Variants in GABRA1 observed in about 807,000 individuals in gnomAD.
The protein encoded by GABRA1 is gamma-aminobutyric acid receptor subunit alpha-1.
GABRA1 carries 9 observed loss-of-function variants against 48.9 expected under a neutral mutation model. That is an observed-to-expected ratio of 0.18 (90% CI 0.11 to 0.32). The LOEUF (loss-of-function observed/expected upper bound fraction) is 0.32, where lower values mean the gene tolerates loss of function less well. Ranked by LOEUF, GABRA1 falls within the 10% of genes least tolerant of loss-of-function variation. GABRA1 has a pLI of 1.00. For synonymous variants in GABRA1, 210 were observed against 198.7 expected (o/e 1.06, Z -0.48); for missense variants, 285 against 553.8 (o/e 0.51, Z 4.87).
chr5:161,882,377 T>TA (rs11317877), intron 6 of GABRA1, 181 bp from the exon 7 acceptor site: 46 of 458,028 alleles, frequency 1.0e-4, no homozygotes, highest in African/African-American at 1.4e-4. Context: ...AATAAATGAC[T>TA]AAAAAAAAAA....
rs542983313 is a variant in GABRA1 at position 161,895,647 on chromosome 5, T to C, written c.857-19T>C. The C allele has an allele frequency of 2.2e-5, 28 of 1,281,890 alleles. No individual in the cohort carries two copies. The highest frequency in any genetic ancestry group is 3.1e-5 in the Non-Finnish European group (28 of 917,996). 79.4% of individuals were successfully genotyped at this position (1,281,890 alleles called of 1,614,324 possible). On this transcript the variant is annotated intron_variant, in intron 8 of 9. Coordinates refer to ENST00000393943, the MANE Select transcript of GABRA1 (RefSeq NM_001127644.2). The stretch of plus-strand genomic sequence containing the variant: ...ACAGTATGAACTGGCATCATGTATG[T>C]TTTTTTTTTTCTTTACAGGAGTAAC...
intron 1 of GABRA1, 84 bp from the exon 2 acceptor site, chr5:161,850,712 T>A: frequency 8.9e-7 from 1 of 1,123,112 alleles, no homozygotes; most frequent in Non-Finnish European, 1.4e-6. Context: ...AAAGCATTCA[T>A]CTAAACTGCC....
chr5:161,873,781 T>C (rs1030750970), intron 5 of GABRA1, among the ~76,000 whole-genome samples: 4 of 152,178 alleles, frequency 2.6e-5, no homozygotes, highest in Non-Finnish European at 5.9e-5. Context: ...TTTTAAGAAG[T>C]ATTTGAATTC....
chr5:161,856,071 T>C (rs74544366), intron 3 of GABRA1, among the ~76,000 whole-genome samples: 1,588 of 151,460 alleles, frequency 0.01, 30 homozygotes, highest in African/African-American at 0.036. Flanking sequence ...ATAGAATAAC[T>C]CTTTAATAAA....
chr5:161,876,007 T>C (rs1754335013), intron 6 of GABRA1, among the ~76,000 whole-genome samples: 1 of 152,156 alleles, frequency 6.6e-6, no homozygotes, highest in Non-Finnish European at 1.5e-5. Context: ...CTGACACTTG[T>C]TTGATCTTAA....
intron 8 of GABRA1, among the ~76,000 whole-genome samples, chr5:161,894,057 G>T (rs1189727030): frequency 6.6e-6 from 1 of 152,034 alleles, no homozygotes; most frequent in African/African-American, 2.4e-5. Context: ...TAAAAAAATT[G>T]AATTTATTGT....
Position 161,899,877 on chromosome 5 carries a change from G to C in GABRA1, c.*2455G>C, listed in dbSNP as rs1003646439. On this transcript the variant is annotated 3_prime_UTR_variant, in exon 10 of 10. Coordinates refer to ENST00000393943, the MANE Select transcript of GABRA1 (RefSeq NM_001127644.2). ...TGGCAGATGCATGTGTTGCTTTACA[G>C]AGTTTAGCAAAAGCTCTTAATTTTA... 2.1e-4 allele frequency: 32 copies of C among 152,132 alleles called. No individual in the cohort carries two copies. The highest frequency in any genetic ancestry group is 7.5e-4 in the African/African-American group (31 of 41,434). The allele number at this position is 152,132 out of a possible 1,614,324, so 9.4% of individuals were successfully genotyped here.
chr5:161,865,515 G>A (rs1753793277), intron 3 of GABRA1, among the ~76,000 whole-genome samples: 1 of 152,064 alleles, frequency 6.6e-6, no homozygotes, highest in African/African-American at 2.4e-5. Flanking sequence ...TCCCAAAGTG[G>A]CATATTTAGG....
At chr5:161,855,542 A>G (rs1757614638) in intron 3 of GABRA1, among the ~76,000 whole-genome samples, 1 of 151,510 alleles carries the variant, frequency 6.6e-6, no homozygotes. Flanking sequence ...TTTAGAAAAA[A>G]TTCTTTAAGT....
In GABRA1 at chr5:161,859,869, CTTG is replaced by C. The variant is rs777049979; in HGVS notation, c.187+5608_187+5610del. ...AAAGATGGTTAGGTTTATCCAATCT[CTTG>C]TTGTTGTTTTTGCTGTGTTTACTTT... is the stretch of plus-strand genomic sequence containing the variant. On this transcript the variant is annotated intron_variant, in intron 3 of 9. Transcript: ENST00000393943. Among the ~76,000 whole-genome samples, 182 of 151,844 alleles carry C rather than the reference CTTG, an allele frequency of 1.2e-3. 1 individual carries two copies. Among genetic ancestry groups the C allele is most frequent in the Non-Finnish European group, 1.0e-3 (68 of 67,824 alleles).
At chr5:161,879,441 T>G (rs574700052) in intron 6 of GABRA1, among the ~76,000 whole-genome samples, 2 of 152,280 alleles carry the variant, frequency 1.3e-5, no homozygotes, top group East Asian at 3.9e-4. Context: ...AAAACTTTTT[T>G]GGGGGCATTA....
At chr5:161,877,509 A>G (rs940823128) in intron 6 of GABRA1, among the ~76,000 whole-genome samples, 1 of 152,198 alleles carries the variant, frequency 6.6e-6, no homozygotes, top group African/African-American at 2.4e-5. Flanking sequence ...CAGTCAATGC[A>G]ATTCTGTTTG....
chr5:161,886,201 C>T (rs1754837757), intron 7 of GABRA1, among the ~76,000 whole-genome samples: 1 of 152,110 alleles, frequency 6.6e-6, no homozygotes, highest in Admixed American at 6.6e-5. Flanking sequence ...AACTACATGT[C>T]ATACCAATAA....
chr5:161,854,145 T>C lies in GABRA1; in HGVS notation c.75-13T>C, dbSNP rs1232863591. On this transcript the variant is annotated splice_polypyrimidine_tract_variant and intron_variant, in intron 2 of 9. Coordinates refer to ENST00000393943, the MANE Select transcript of GABRA1 (RefSeq NM_001127644.2). ...ATAATTTAGCTATTGCTTCTCTTTA[T>C]GTTTTTTTTCAGCTATGGACAGCCG... is the stretch of plus-strand genomic sequence containing the variant. 7.4e-7 allele frequency: 1 copy of C among 1,349,570 alleles called. No individual in the cohort carries two copies. 83.6% of individuals were successfully genotyped at this position (1,349,570 alleles called of 1,614,324 possible).
intron 7 of GABRA1, among the ~76,000 whole-genome samples, chr5:161,888,904 T>C (rs17052612): frequency 0.056 from 8,523 of 152,060 alleles, 836 homozygotes; most frequent in African/African-American, 0.19. Flanking sequence ...TGAGCCTCAG[T>C]GCATCCATTT....
rs545587234 is a variant in GABRA1 at position 161,869,204 on chromosome 5, G to A, written c.255+3416G>A. 3.9e-4 allele frequency among the ~76,000 whole-genome samples: 60 copies of A among 152,232 alleles called. No individual in the cohort carries two copies. In the East Asian group the frequency reaches 0.011, roughly 28 times the overall value. On this transcript the variant is annotated intron_variant, in intron 4 of 9. Coordinates refer to ENST00000393943, the MANE Select transcript of GABRA1 (RefSeq NM_001127644.2). ...GAAAATTTTGTAGTTTTTAAAGTGA[G>A]AACTAATAAATTAATCTACGTTAAT...
At chr5:161,870,843 G>A (rs187168910) in intron 4 of GABRA1, among the ~76,000 whole-genome samples, 2 of 152,134 alleles carry the variant, frequency 1.3e-5, no homozygotes, top group East Asian at 3.9e-4. Context: ...TACACTGTTG[G>A]TTAGGCAGAA....
At chr5:161,850,461 CAAG>C (rs1205757295) in intron 1 of GABRA1, 1 of 467,336 alleles carries the variant, frequency 2.1e-6, no homozygotes, top group Non-Finnish European at 3.7e-6. Flanking sequence ...TGATAAACAA[CAAG>C]AAGAGAATAA....
chr5:161,856,351 A>G (rs1380724586), intron 3 of GABRA1, among the ~76,000 whole-genome samples: 1 of 151,452 alleles, frequency 6.6e-6, no homozygotes, highest in Non-Finnish European at 1.5e-5. Flanking sequence ...ATAGATATGT[A>G]TTTAAAGAGC....
Sources: gnomAD v4.1 joint callset for allele counts (sites outside exome capture counted in the v4.1 genomes callset) on GRCh38, gnomAD v4.1.1 for gene constraint, MANE v1.5 for transcripts, NCBI Gene and HGNC (gene_info 2026-07-23, HGNC 2026-07-21) for gene names.